Variants in EEPD1 observed in about 807,000 individuals in gnomAD.
The protein encoded by EEPD1 is endonuclease/exonuclease/phosphatase family domain containing 1.
EEPD1 carries 17 observed loss-of-function variants against 46.3 expected under a neutral mutation model. The observed-to-expected ratio is 0.37, with a 90% confidence interval of 0.25 to 0.55. The LOEUF is 0.55. Among genes scored for constraint, EEPD1 ranks in the 20% least tolerant of loss-of-function variants. The pLI is 0.83. For missense variants in EEPD1, 673 were observed against 745.6 expected, an observed-to-expected ratio of 0.90 and a Z score of 1.13; for synonymous variants, 313 against 315.6, an observed-to-expected ratio of 0.99 and a Z score of 0.09.
intron 2 of EEPD1, among the ~76,000 whole-genome samples, chr7:36,175,672 A>AC (rs1194262554): frequency 1.3e-5 from 2 of 151,942 alleles, no homozygotes; most frequent in African/African-American, 4.8e-5. Flanking sequence ...TGACATGAGA[A>AC]CCCCACCTCC....
At chr7:36,167,220 T>C (rs1177542963) in intron 2 of EEPD1, among the ~76,000 whole-genome samples, 1 of 152,178 alleles carries the variant, frequency 6.6e-6, no homozygotes, top group Non-Finnish European at 1.5e-5. Context: ...GGATTAGGGC[T>C]TCAACACAGG....
chr7:36,177,529 G>C (rs1188627781), intron 2 of EEPD1, among the ~76,000 whole-genome samples: 1 of 152,102 alleles, frequency 6.6e-6, no homozygotes, highest in Non-Finnish European at 1.5e-5. Context: ...TTTGGTTTCT[G>C]TTCCTGCGTT....
chr7:36,268,855 G>A (rs1419928475), intron 3 of EEPD1, among the ~76,000 whole-genome samples: 1 of 152,218 alleles, frequency 6.6e-6, no homozygotes, highest in East Asian at 1.9e-4. Context: ...GTGAAACAGA[G>A]GCACAGAATA....
At chr7:36,253,367 G>A (rs909390465) in intron 3 of EEPD1, among the ~76,000 whole-genome samples, 5 of 152,276 alleles carry the variant, frequency 3.3e-5, no homozygotes, top group Non-Finnish European at 7.4e-5. Context: ...CCTAACATAA[G>A]GTCTGTCCCA....
intron 6 of EEPD1, among the ~76,000 whole-genome samples, chr7:36,288,339 G>A (rs1787371888): frequency 6.6e-6 from 1 of 152,178 alleles, no homozygotes; most frequent in Non-Finnish European, 1.5e-5. Context: ...ATGGGGGACA[G>A]TACTCATCTC....
At chr7:36,159,549 T>C (rs1784871437) in intron 2 of EEPD1, among the ~76,000 whole-genome samples, 1 of 152,234 alleles carries the variant, frequency 6.6e-6, no homozygotes, top group Non-Finnish European at 1.5e-5. Context: ...GAAGTTTGTC[T>C]ACTTTCAAAG....
In EEPD1 at chr7:36,183,856, C is replaced by T. The variant is rs142836278; in HGVS notation, c.878+28654C>T. 8.7e-4 allele frequency among the ~76,000 whole-genome samples: 106 copies of T among 122,318 alleles called. No homozygotes were observed. The South Asian group carries it at 0.01, about 12-fold the overall frequency. 80.2% of individuals were successfully genotyped at this position (122,318 alleles called of 152,430 possible). A position where few individuals can be genotyped will look rare whatever the true frequency, so the allele number is the denominator to read the frequency against. On this transcript the variant is annotated intron_variant, in intron 2 of 7. Coordinates refer to ENST00000242108, the MANE Select transcript of EEPD1 (RefSeq NM_030636.3). ...GGGCCCACAGCCTTTCTGTTTTATC[C>T]GGATTATTCCTAGCCCTCGTTTTTT...
chr7:36,236,171 C>T (rs1031468112), intron 2 of EEPD1, among the ~76,000 whole-genome samples: 95 of 152,350 alleles, frequency 6.2e-4, no homozygotes, highest in African/African-American at 2.1e-3. Flanking sequence ...CTCGGCTCCG[C>T]CTCGGCGTCC....
intron 6 of EEPD1, among the ~76,000 whole-genome samples, chr7:36,289,333 T>TG (rs1004163160): frequency 2.6e-4 from 39 of 152,338 alleles, no homozygotes; most frequent in African/African-American, 8.9e-4. Context: ...TATCTCCCCA[T>TG]GCGCCCCTCC....
chr7:36,202,177 A>T (rs1785722394), intron 2 of EEPD1, among the ~76,000 whole-genome samples: 1 of 152,198 alleles, frequency 6.6e-6, no homozygotes, highest in Non-Finnish European at 1.5e-5. Flanking sequence ...GTGGAGGCTG[A>T]ATAGGAGTCA....
At chr7:36,241,986 A>G (rs4723500) in intron 3 of EEPD1, among the ~76,000 whole-genome samples, 109,499 of 151,910 alleles carry the variant, frequency 0.72, 39,553 homozygotes, top group Admixed American at 0.75. Flanking sequence ...TATCAGAGAA[A>G]TAGGGTCAGG....
intron 2 of EEPD1, among the ~76,000 whole-genome samples, chr7:36,181,187 G>A (rs561424874): frequency 1.8e-4 from 27 of 152,182 alleles, no homozygotes; most frequent in Admixed American, 1.6e-3. Flanking sequence ...CTATCCACGC[G>A]CTGTCTACAT....
At chr7:36,249,001 A>ACACACACACG (rs1402540229) in intron 3 of EEPD1, among the ~76,000 whole-genome samples, 1 of 147,982 alleles carries the variant, frequency 6.8e-6, no homozygotes, top group Non-Finnish European at 1.5e-5. Context: ...TTAAACACAC[A>ACACACACACG]CACACACACA....
chr7:36,289,842 T>C (rs1787400730), intron 6 of EEPD1, among the ~76,000 whole-genome samples: 1 of 152,234 alleles, frequency 6.6e-6, no homozygotes, highest in Admixed American at 6.5e-5. Flanking sequence ...TGTGCATCCA[T>C]CCACCATAGT....
At chr7:36,158,848 T>C (rs182237983) in intron 2 of EEPD1, among the ~76,000 whole-genome samples, 1 of 152,360 alleles carries the variant, frequency 6.6e-6, no homozygotes, top group Admixed American at 6.5e-5. Flanking sequence ...GAGAGTCTCT[T>C]TGGTTATTGA....
At chr7:36,219,101 G>A (rs369098534) in intron 2 of EEPD1, among the ~76,000 whole-genome samples, 1 of 152,094 alleles carries the variant, frequency 6.6e-6, no homozygotes, top group East Asian at 1.9e-4. Context: ...TCATTGGATT[G>A]TAACATACTT....
chr7:36,248,707 A>G (rs1258789350), intron 3 of EEPD1, among the ~76,000 whole-genome samples: 1 of 152,090 alleles, frequency 6.6e-6, no homozygotes, highest in Non-Finnish European at 1.5e-5. Context: ...GGGTTGAGCA[A>G]GATCAGTGGC....
Position 36,155,213 on chromosome 7 carries a change from G to T in EEPD1, c.878+11G>T, listed in dbSNP as rs778904152. ...ACTCCTGGAAAACAGGTGAGGACAG[G>T]AACCACCATGGGTGTTGGGTGTGAA... On this transcript the variant is annotated intron_variant, in intron 2 of 7. Coordinates refer to ENST00000242108, the MANE Select transcript of EEPD1 (RefSeq NM_030636.3). 4.6e-6 allele frequency: 7 copies of T among 1,509,616 alleles called. No homozygotes were observed. Among genetic ancestry groups the T allele is most frequent in the Non-Finnish European group, 6.2e-6 (7 of 1,128,546 alleles). 93.5% of individuals were successfully genotyped at this position (1,509,616 alleles called of 1,614,324 possible). A position where few individuals can be genotyped will look rare whatever the true frequency, so the allele number is the denominator to read the frequency against.
intron 3 of EEPD1, among the ~76,000 whole-genome samples, chr7:36,274,798 G>C (rs1031556674): frequency 6.6e-6 from 1 of 152,062 alleles, no homozygotes; most frequent in East Asian, 1.9e-4. Flanking sequence ...TTCTAATATC[G>C]GTTGTTAACA....
Sources: gnomAD v4.1 joint callset for allele counts (sites outside exome capture counted in the v4.1 genomes callset) on GRCh38, gnomAD v4.1.1 for gene constraint, MANE v1.5 for transcripts, NCBI Gene and HGNC (gene_info 2026-07-23, HGNC 2026-07-21) for gene names.